BST1: variants seen among roughly 807,000 people sequenced by gnomAD.
BST1 encodes the protein ADP-ribosyl cyclase/cyclic ADP-ribose hydrolase 2.
In BST1, 49 loss-of-function variants were observed where a neutral mutation model predicts 40.6. The observed-to-expected ratio is 1.21, with a 90% confidence interval of 0.96 to 1.53. The LOEUF is 1.53. Among genes scored for constraint, BST1 ranks in the 40% most tolerant of loss-of-function variants. The probability of loss-of-function intolerance (pLI) is 0.00; values close to 1 mark genes in which losing one functional copy is unlikely to be tolerated. For missense variants in BST1, 423 were observed against 395.9 expected, an observed-to-expected ratio of 1.07 and a Z score of -0.58; for synonymous variants, 157 against 159.3, an observed-to-expected ratio of 0.99 and a Z score of 0.11.
Position 15,703,231 on chromosome 4 carries a change from G to A in BST1, c.87G>A (p.Gly29=), listed in dbSNP as rs1560274267. 5 of 1,545,380 alleles carry A rather than the reference G, an allele frequency of 3.2e-6. No homozygotes were observed. Among genetic ancestry groups the A allele is most frequent in the Non-Finnish European group, 4.4e-6 (5 of 1,147,226 alleles). ...LLLLLLLAAG[G]ARARWRGEGT... ...TACTGTTGCTGCTGGCGGCGGGCGG[G>A]GCGCGCGCGCGGTGGCGCGGGGAGG... The change falls in exon 1 of 9, where the codon GGG becomes GGA. Residue 29 remains glycine (G), a synonymous_variant. Coordinates refer to ENST00000265016, the MANE Select transcript of BST1 (RefSeq NM_004334.3).
At chr4:15,713,974 G>A (rs1341365854) in intron 4 of BST1, among the ~76,000 whole-genome samples, 1 of 152,056 alleles carries the variant, frequency 6.6e-6, no homozygotes, top group Non-Finnish European at 1.5e-5. Context: ...AAATGGCTGA[G>A]ATTACAGGTG....
chr4:15,733,747 A>T (rs1044012504), downstream of BST1, among the ~76,000 whole-genome samples: 4 of 152,202 alleles, frequency 2.6e-5, no homozygotes, highest in African/African-American at 9.6e-5. Context: ...ATGAGACAGC[A>T]CTAGGTGATG....
chr4:15,752,140 T>C, the BST1 span, among the ~76,000 whole-genome samples: 1 of 152,348 alleles, frequency 6.6e-6, no homozygotes, highest in South Asian at 2.1e-4. Context: ...GGTGTTCTTC[T>C]AAGTTCTAGG....
chr4:15,773,828 A>G, the BST1 span, among the ~76,000 whole-genome samples: 1 of 152,024 alleles, frequency 6.6e-6, no homozygotes, highest in African/African-American at 2.4e-5. Flanking sequence ...AAACAAACAA[A>G]CAAAAACCAA....
At chr4:15,714,709 C>A (rs748586099) in intron 4 of BST1, among the ~76,000 whole-genome samples, 1 of 152,204 alleles carries the variant, frequency 6.6e-6, no homozygotes, top group Non-Finnish European at 1.5e-5. Context: ...TCTGGCTTGT[C>A]TTCTGAGCCC....
chr4:15,733,120 A>C (rs1312350966), downstream of BST1, among the ~76,000 whole-genome samples: 2 of 152,198 alleles, frequency 1.3e-5, no homozygotes, highest in Admixed American at 1.3e-4. Context: ...GCTGGTTGCC[A>C]CTGCTGGCTC....
chr4:15,757,326 C>T, the BST1 span, among the ~76,000 whole-genome samples: 1 of 152,120 alleles, frequency 6.6e-6, no homozygotes, highest in Non-Finnish European at 1.5e-5. Context: ...ATTTAATTCA[C>T]AGCCATGCCA....
intron 6 of BST1, among the ~76,000 whole-genome samples, chr4:15,716,086 T>C (rs1309820733): frequency 6.6e-6 from 1 of 152,134 alleles, no homozygotes; most frequent in Non-Finnish European, 1.5e-5. Flanking sequence ...TCCTTATGCA[T>C]TTGTGAGGGT....
chr4:15,721,623 A>G (rs539282973), intron 7 of BST1, among the ~76,000 whole-genome samples: 2 of 123,560 alleles, frequency 1.6e-5, no homozygotes, highest in South Asian at 5.6e-4. Context: ...CCTTGGACAC[A>G]GGGTAGGGAA....
chr4:15,703,658 G>C, intron 1 of BST1, among the ~76,000 whole-genome samples: 1 of 145,442 alleles, frequency 6.9e-6, no homozygotes, highest in South Asian at 2.2e-4. Context: ...GCGCTCTAGA[G>C]GTGGGAGGTG....
intron 7 of BST1, among the ~76,000 whole-genome samples, chr4:15,720,696 T>A (rs758872942): frequency 6.6e-6 from 1 of 151,184 alleles, no homozygotes; most frequent in Non-Finnish European, 1.5e-5. Flanking sequence ...GAGGCTGAGG[T>A]GGGAGGATTG....
At chr4:15,730,072 T>G (rs182831666) in intron 8 of BST1, among the ~76,000 whole-genome samples, 1 of 152,218 alleles carries the variant, frequency 6.6e-6, no homozygotes, top group Non-Finnish European at 1.5e-5. Flanking sequence ...TCTGGGACAT[T>G]AACTGCATCA....
At chr4:15,768,555 G>A in the BST1 span, among the ~76,000 whole-genome samples, 1 of 146,298 alleles carries the variant, frequency 6.8e-6, no homozygotes, top group Non-Finnish European at 1.5e-5. Context: ...CTGCAGTGGC[G>A]CAATCTCGGC....
the BST1 span, among the ~76,000 whole-genome samples, chr4:15,744,441 T>C: frequency 4.1e-4 from 62 of 152,146 alleles, no homozygotes; most frequent in Non-Finnish European, 8.8e-5. Context: ...CCATCAGATC[T>C]TGTGAGAACT....
chr4:15,754,977 A>G, the BST1 span, among the ~76,000 whole-genome samples: 2 of 152,194 alleles, frequency 1.3e-5, no homozygotes, highest in East Asian at 1.9e-4. Context: ...TGTACTCCTT[A>G]ATAGTACATC....
the BST1 span, among the ~76,000 whole-genome samples, chr4:15,754,861 G>A: frequency 6.6e-6 from 1 of 152,160 alleles, no homozygotes; most frequent in African/African-American, 2.4e-5. Flanking sequence ...CTTGTTTAAA[G>A]TTCATGTAGA....
chr4:15,761,035 GT>G, the BST1 span, among the ~76,000 whole-genome samples: 1 of 149,908 alleles, frequency 6.7e-6, no homozygotes, highest in African/African-American at 2.5e-5. Flanking sequence ...TAGTTTTTTT[GT>G]TTTGTTTTGT....
intron 3 of BST1, 25 bp from the exon 4 acceptor site, chr4:15,711,782 A>T: frequency 6.5e-7 from 1 of 1,542,498 alleles, no homozygotes; most frequent in Non-Finnish European, 9.0e-7. Context: ...TTGGAATAAA[A>T]TGTGTTTGTC....
chr4:15,771,920 A>C, the BST1 span, among the ~76,000 whole-genome samples: 1 of 152,168 alleles, frequency 6.6e-6, no homozygotes, highest in Non-Finnish European at 1.5e-5. Flanking sequence ...GCTGGTGTTT[A>C]ATGTCTTCAA....
Sources: gnomAD v4.1 joint callset for allele counts (sites outside exome capture counted in the v4.1 genomes callset) on GRCh38, gnomAD v4.1.1 for gene constraint, MANE v1.5 for transcripts, NCBI Gene and HGNC (gene_info 2026-07-23, HGNC 2026-07-21) for gene names.